The following TOM1L2 variants were observed in gnomAD, a reference collection of about 807,000 sequenced individuals.
TOM1L2 encodes target of myb1 like 2 membrane trafficking protein, also known as TOM1-like protein 2.
TOM1L2 carries 31 observed loss-of-function variants against 67.9 expected under a neutral mutation model. The ratio of observed to expected loss-of-function variants is 0.46; its 90% CI spans 0.34 to 0.62. The LOEUF (loss-of-function observed/expected upper bound fraction) is 0.62. Among genes scored for constraint, TOM1L2 ranks in the 20% least tolerant of loss-of-function variants. TOM1L2 has a pLI of 0.01. For missense variants in TOM1L2, 606 were observed against 663.5 expected (o/e 0.91, Z 0.95); for synonymous variants, 256 against 254.0 (o/e 1.01, Z -0.07).
chr17:17,869,610 G>A (rs961703919), intron 7 of TOM1L2, 137 bp from the exon 8 acceptor site: 51 of 1,408,528 alleles, frequency 3.6e-5, no homozygotes, highest in East Asian at 2.5e-4. Context: ...GACATGTGCC[G>A]AATTCAAAGT....
chr17:17,924,199 GTC>G (rs1291613685), intron 1 of TOM1L2, among the ~76,000 whole-genome samples: 1 of 152,098 alleles, frequency 6.6e-6, no homozygotes, highest in African/African-American at 2.4e-5. Flanking sequence ...TATATAAAAT[GTC>G]CAGAATAGGC....
At chr17:17,879,567 C>A in intron 7 of TOM1L2, 60 bp downstream of exon 7, 1 of 1,405,978 alleles carries the variant, frequency 7.1e-7, no homozygotes, top group Non-Finnish European at 1.0e-6. Flanking sequence ...TGGGATCCTC[C>A]AACAGTGTAC....
chr17:17,887,029 G>A (rs1054789756), intron 4 of TOM1L2, among the ~76,000 whole-genome samples: 60 of 152,352 alleles, frequency 3.9e-4, no homozygotes, highest in African/African-American at 1.3e-3. Context: ...TAGAGTGCTC[G>A]GAGGTGCAGG....
intron 1 of TOM1L2, among the ~76,000 whole-genome samples, chr17:17,923,644 C>T (rs1361461197): frequency 2.6e-5 from 4 of 151,852 alleles, no homozygotes; most frequent in Non-Finnish European, 4.4e-5. Context: ...GAGTCGTGAT[C>T]GCACCACTGC....
chr17:17,944,970 T>C (rs2040879911), intron 1 of TOM1L2, among the ~76,000 whole-genome samples: 1 of 152,208 alleles, frequency 6.6e-6, no homozygotes, highest in South Asian at 2.1e-4. Context: ...ACTCCTGACA[T>C]TGCAGCAGAT....
In TOM1L2 at chr17:17,972,246, C is replaced by T. The variant is rs1464010794; in HGVS notation, c.52+16G>A. On this transcript the variant is annotated intron_variant, in intron 1 of 14. Coordinates refer to ENST00000379504, the MANE Select transcript of TOM1L2 (RefSeq NM_001082968.2). Reference sequence around the variant, plus strand: ...GGCCGCCGTTGCCCAGCCTCCTGCCCCACACGCGGCCTTACCGAGGCACTG... The same window carrying T: ...GGCCGCCGTTGCCCAGCCTCCTGCCTCACACGCGGCCTTACCGAGGCACTG... The T allele has an allele frequency of 1.3e-6, 2 of 1,549,588 alleles. No individual in the cohort carries two copies. Among genetic ancestry groups the T allele is most frequent in the South Asian group, 2.4e-5 (2 of 84,038 alleles).
intron 10 of TOM1L2, among the ~76,000 whole-genome samples, chr17:17,863,105 G>A (rs2036652001): frequency 6.6e-6 from 1 of 152,212 alleles, no homozygotes; most frequent in African/African-American, 2.4e-5. Context: ...TTGCTGGGGT[G>A]ACAAGGCAGG....
chr17:17,911,760 T>A (rs2039361485), intron 1 of TOM1L2, among the ~76,000 whole-genome samples: 2 of 148,880 alleles, frequency 1.3e-5, no homozygotes, highest in South Asian at 4.4e-4. Context: ...GATAAACAAG[T>A]GAACAAAGGT....
At chr17:17,850,758 G>C in intron 13 of TOM1L2, 135 bp downstream of exon 13, 1 of 911,866 alleles carries the variant, frequency 1.1e-6, no homozygotes, top group Non-Finnish European at 1.7e-6. Context: ...GGCAGCTATG[G>C]AGCTTGCCCA....
At chr17:17,872,882 C>T (rs1449927290) in intron 7 of TOM1L2, among the ~76,000 whole-genome samples, 1 of 152,222 alleles carries the variant, frequency 6.6e-6, no homozygotes, top group East Asian at 1.9e-4. Context: ...AAAAGTCAAT[C>T]ACTTCTCATG....
At chr17:17,901,017 G>C (rs2038826383) in intron 2 of TOM1L2, among the ~76,000 whole-genome samples, 2 of 152,108 alleles carry the variant, frequency 1.3e-5, no homozygotes, top group African/African-American at 4.8e-5. Context: ...GCTGGCAGAG[G>C]ACCAGCACAC....
chr17:17,926,355 C>T (rs2040083005), intron 1 of TOM1L2, among the ~76,000 whole-genome samples: 1 of 152,088 alleles, frequency 6.6e-6, no homozygotes, highest in Non-Finnish European at 1.5e-5. Flanking sequence ...CAAAGGAGGT[C>T]ACCCAGGGTA....
chr17:17,874,762 T>A (rs114720292), intron 7 of TOM1L2, among the ~76,000 whole-genome samples: 138 of 152,180 alleles, frequency 9.1e-4, no homozygotes, highest in African/African-American at 3.1e-3. Flanking sequence ...ACTGGGGTGG[T>A]GGGTTAGACA....
At chr17:17,851,635 C>T (rs2035986730) in intron 12 of TOM1L2, among the ~76,000 whole-genome samples, 1 of 152,196 alleles carries the variant, frequency 6.6e-6, no homozygotes, top group Non-Finnish European at 1.5e-5. Context: ...ACAAAGGGGA[C>T]TATGGGGCTT....
intron 1 of TOM1L2, among the ~76,000 whole-genome samples, chr17:17,946,484 G>A (rs2040957169): frequency 6.6e-6 from 1 of 151,942 alleles, no homozygotes; most frequent in Admixed American, 6.6e-5. Flanking sequence ...TTTGTGTCTG[G>A]CTTCTTTCAT....
At chr17:17,874,479 C>T (rs528845925) in intron 7 of TOM1L2, among the ~76,000 whole-genome samples, 2 of 152,032 alleles carry the variant, frequency 1.3e-5, no homozygotes, top group African/African-American at 4.8e-5. Flanking sequence ...CCATGTTGGC[C>T]AGGCTGGTCT....
At chr17:17,929,924 G>A (rs142344542) in intron 1 of TOM1L2, among the ~76,000 whole-genome samples, 214 of 152,322 alleles carry the variant, frequency 1.4e-3, no homozygotes, top group African/African-American at 4.8e-3. Flanking sequence ...AGGCAGCTGC[G>A]ATGAGTGAGG....
intron 1 of TOM1L2, among the ~76,000 whole-genome samples, chr17:17,966,838 C>G (rs1023411493): frequency 6.6e-6 from 1 of 152,170 alleles, no homozygotes; most frequent in African/African-American, 2.4e-5. Flanking sequence ...ATTATAAGTT[C>G]CTTCCAGTTA....
intron 1 of TOM1L2, among the ~76,000 whole-genome samples, chr17:17,962,337 T>A (rs1286392988): frequency 2.1e-5 from 3 of 145,842 alleles, no homozygotes; most frequent in African/African-American, 7.6e-5. Context: ...TTTTTTTTTT[T>A]AGGGATGGAG....
Sources: allele counts gnomAD v4.1 joint callset (sites outside exome capture counted in the v4.1 genomes callset), GRCh38; gene constraint gnomAD v4.1.1; transcripts MANE v1.5; gene names NCBI Gene and HGNC (gene_info 2026-07-23, HGNC 2026-07-21).